CSGALNACT1: variants seen among roughly 807,000 people sequenced by gnomAD.
The protein encoded by CSGALNACT1 is beta4GalNAcT-1.
CSGALNACT1 carries 52 observed loss-of-function variants against 51.0 expected under a neutral mutation model. The ratio of observed to expected loss-of-function variants is 1.02; its 90% confidence interval spans 0.82 to 1.29. The LOEUF is 1.29. CSGALNACT1 is among the 50% of genes most tolerant of loss of function. CSGALNACT1 has a pLI of 0.00. For synonymous variants in CSGALNACT1, 341 were observed against 254.4 expected (o/e 1.34, Z -3.24); for missense variants, 935 against 679.2 (o/e 1.38, Z -4.19).
chr8:19,676,599 C>A (rs181267929), intron 1 of CSGALNACT1, among the ~76,000 whole-genome samples: 2 of 152,292 alleles, frequency 1.3e-5, no homozygotes, highest in East Asian at 3.9e-4. Context: ...AGATGTAATA[C>A]ATGCTGTGTA....
At chr8:19,537,504 C>T (rs2084034787) in intron 3 of CSGALNACT1, among the ~76,000 whole-genome samples, 1 of 152,160 alleles carries the variant, frequency 6.6e-6, no homozygotes, top group African/African-American at 2.4e-5. Context: ...GTACATTTGA[C>T]CACCCCACTC....
chr8:19,745,793 C>T (rs577879678), intron 1 of CSGALNACT1, among the ~76,000 whole-genome samples: 4 of 152,090 alleles, frequency 2.6e-5, no homozygotes, highest in African/African-American at 7.2e-5. Context: ...AGAGAAAACG[C>T]GTATTGCAAG....
chr8:19,571,467 CAAAAACA>C (rs2043010389), intron 3 of CSGALNACT1, among the ~76,000 whole-genome samples: 1 of 143,660 alleles, frequency 7.0e-6, no homozygotes, highest in African/African-American at 2.7e-5. Flanking sequence ...AAAACAAAAA[CAAAAACA>C]AAAAAAAAAA....
chr8:19,444,860 C>T (rs2061868548), intron 5 of CSGALNACT1, among the ~76,000 whole-genome samples: 1 of 152,134 alleles, frequency 6.6e-6, no homozygotes, highest in Non-Finnish European at 1.5e-5. Context: ...GGTGGAATGG[C>T]TGGGGTCAGT....
chr8:19,473,420 C>T (rs560741654), intron 4 of CSGALNACT1, among the ~76,000 whole-genome samples: 15 of 152,272 alleles, frequency 9.9e-5, no homozygotes, highest in South Asian at 8.3e-4. Flanking sequence ...CATCACCATC[C>T]GCCGTCACTA....
chr8:19,475,344 A>G (rs535333162), intron 4 of CSGALNACT1, among the ~76,000 whole-genome samples: 14 of 152,328 alleles, frequency 9.2e-5, no homozygotes, highest in African/African-American at 3.1e-4. Flanking sequence ...ATTTGCCACC[A>G]CGAGGGTTTT....
intron 1 of CSGALNACT1, among the ~76,000 whole-genome samples, chr8:19,722,607 G>C (rs1434817538): frequency 1.3e-5 from 2 of 152,218 alleles, no homozygotes; most frequent in Non-Finnish European, 2.9e-5. Context: ...ATGGGAGCAT[G>C]TGGTCCACCA....
intron 4 of CSGALNACT1, among the ~76,000 whole-genome samples, chr8:19,476,752 G>C (rs2069774509): frequency 6.6e-6 from 1 of 152,164 alleles, no homozygotes; most frequent in Admixed American, 6.5e-5. Context: ...TGGTGAAAAA[G>C]CCACACAACA....
At chr8:19,550,749 A>G (rs6991318) in intron 3 of CSGALNACT1, among the ~76,000 whole-genome samples, 2,244 of 152,232 alleles carry the variant, frequency 0.015, 50 homozygotes, top group African/African-American at 0.051. Context: ...TCTTTCTCAG[A>G]TGTGAATCCT....
chr8:19,429,301 C>A (rs1157720239), intron 6 of CSGALNACT1, among the ~76,000 whole-genome samples: 1 of 152,152 alleles, frequency 6.6e-6, no homozygotes, highest in African/African-American at 2.4e-5. Context: ...CTCAGCCTCC[C>A]CAGTACCTGG....
chr8:19,421,773 A>T (rs908821977), intron 6 of CSGALNACT1, among the ~76,000 whole-genome samples: 3 of 152,162 alleles, frequency 2.0e-5, no homozygotes, highest in Non-Finnish European at 1.5e-5. Flanking sequence ...TCCTTGACTC[A>T]TCTTCTTCTT....
chr8:19,444,931 A>G (rs2061878842), intron 5 of CSGALNACT1, among the ~76,000 whole-genome samples: 1 of 152,214 alleles, frequency 6.6e-6, no homozygotes, highest in Admixed American at 6.5e-5. Flanking sequence ...AGATGGAAGA[A>G]ATAGGGAAGA....
intron 1 of CSGALNACT1, among the ~76,000 whole-genome samples, chr8:19,677,760 G>A (rs1410495215): frequency 6.6e-6 from 1 of 152,204 alleles, no homozygotes; most frequent in Non-Finnish European, 1.5e-5. Context: ...AGGTTGAGGA[G>A]AAAGGTAAAG....
At chr8:19,688,122 T>A (rs1425069878) in intron 1 of CSGALNACT1, among the ~76,000 whole-genome samples, 2 of 152,130 alleles carry the variant, frequency 1.3e-5, no homozygotes, top group African/African-American at 2.4e-5. Context: ...ACCCCCAGAG[T>A]GAACAACTCT....
intron 1 of CSGALNACT1, among the ~76,000 whole-genome samples, chr8:19,688,280 C>T (rs1310241032): frequency 1.3e-5 from 2 of 152,070 alleles, no homozygotes; most frequent in East Asian, 1.9e-4. Flanking sequence ...GTGAGGAGAA[C>T]AATTCATACC....
At chr8:19,495,350 C>A (rs2075266118) in intron 4 of CSGALNACT1, among the ~76,000 whole-genome samples, 1 of 152,186 alleles carries the variant, frequency 6.6e-6, no homozygotes, top group South Asian at 2.1e-4. Context: ...TCAGAAAGCA[C>A]AGAAACAATA....
rs540162753 is a variant in CSGALNACT1 at position 19,404,347 on chromosome 8, CAAAG to C, written c.*1429_*1432del. ...CTGTGAGCAAACAGAAGCAAGGACT[CAAAG>C]AGATAATTAGCTCATGCATCTGGTG... On this transcript the variant is annotated 3_prime_UTR_variant, in exon 10 of 10. Coordinates refer to ENST00000454498, the Ensembl canonical transcript of CSGALNACT1. 3.6e-3 allele frequency: 1,637 copies of C among 453,642 alleles called. 29 individuals carry two copies. Among genetic ancestry groups the C allele is most frequent in the African/African-American group, 0.03 (1,478 of 50,008 alleles). 28.1% of individuals were successfully genotyped at this position (453,642 alleles called of 1,614,324 possible).
At chr8:19,681,558 C>G (rs1307839654) in intron 1 of CSGALNACT1, among the ~76,000 whole-genome samples, 1 of 152,204 alleles carries the variant, frequency 6.6e-6, no homozygotes, top group Non-Finnish European at 1.5e-5. Context: ...AGTGGTAAAT[C>G]TGCAGGCGAC....
At chr8:19,626,504 T>C (rs1371632823) in intron 1 of CSGALNACT1, among the ~76,000 whole-genome samples, 1 of 152,036 alleles carries the variant, frequency 6.6e-6, no homozygotes, top group Non-Finnish European at 1.5e-5. Context: ...AGAAAAAACA[T>C]AGAAAATCCT....
Sources: allele counts gnomAD v4.1 joint callset (sites outside exome capture counted in the v4.1 genomes callset), GRCh38; gene constraint gnomAD v4.1.1; transcripts MANE v1.5; gene names NCBI Gene and HGNC (gene_info 2026-07-23, HGNC 2026-07-21).